The following TES variants were observed in gnomAD, a reference collection of about 807,000 sequenced individuals.
The protein encoded by TES is testin.
TES carries 41 observed loss-of-function variants against 48.2 expected under a neutral mutation model. That is an observed-to-expected ratio of 0.85 (90% CI 0.66 to 1.10). The LOEUF (loss-of-function observed/expected upper bound fraction) is 1.10, where lower values mean the gene tolerates loss of function less well. Among genes scored for constraint, TES ranks in the 50% least tolerant of loss-of-function variants. The pLI, the probability that TES is intolerant of heterozygous loss-of-function variation, is 0.00. For synonymous variants in TES, 162 were observed against 174.9 expected, an observed-to-expected ratio of 0.93 and a Z score of 0.58; for missense variants, 463 against 515.1, an observed-to-expected ratio of 0.90 and a Z score of 0.98.
Position 116,210,677 on chromosome 7 carries a change from GAGGAGGAGGGGACCCAT to G in TES, c.-26_-10del. 7.7e-7 allele frequency: 1 copy of G among 1,303,556 alleles called. No individual in the cohort carries two copies. The highest frequency in any genetic ancestry group is 9.9e-7 in the Non-Finnish European group (1 of 1,014,424). 80.7% of individuals were successfully genotyped at this position (1,303,556 alleles called of 1,614,324 possible). A position where few individuals can be genotyped will look rare whatever the true frequency, so the allele number is the denominator to read the frequency against. On this transcript the variant is annotated 5_prime_UTR_variant, in exon 1 of 7. Transcript: ENST00000358204. ...AACCCGGCCGTGGGATCCCGGATAGGAGGAGGAGGGGACCCATAGGACGCGTTAACATGGACCTGGAA... is the reference window on the plus strand; with the variant it reads ...AACCCGGCCGTGGGATCCCGGATAGGAGGACGCGTTAACATGGACCTGGAA...
chr7:116,218,026 T>A, intron 1 of TES: 1 of 447,138 alleles, frequency 2.2e-6, no homozygotes, highest in Non-Finnish European at 4.5e-6. Flanking sequence ...TTCCTTAGTC[T>A]GTTAGAATGG....
At chr7:116,233,459 G>T (rs1799726567) in intron 1 of TES, among the ~76,000 whole-genome samples, 1 of 152,080 alleles carries the variant, frequency 6.6e-6, no homozygotes, top group South Asian at 2.1e-4. Context: ...ACAACTTCAG[G>T]CAGAAGAGCA....
At chr7:116,256,538 GTTA>G (rs1363553406) in intron 6 of TES, among the ~76,000 whole-genome samples, 1 of 152,076 alleles carries the variant, frequency 6.6e-6, no homozygotes, top group Non-Finnish European at 1.5e-5. Context: ...TATAACATAG[GTTA>G]TTTATTCATT....
intron 1 of TES, among the ~76,000 whole-genome samples, chr7:116,225,067 G>C (rs1305683199): frequency 1.3e-5 from 2 of 151,786 alleles, no homozygotes; most frequent in Non-Finnish European, 2.9e-5. Flanking sequence ...ATGGTTATAT[G>C]TATTTTAGCT....
intron 1 of TES, among the ~76,000 whole-genome samples, chr7:116,215,270 A>G (rs1799481316): frequency 6.6e-6 from 1 of 152,200 alleles, no homozygotes; most frequent in East Asian, 1.9e-4. Context: ...CTCACTAAAT[A>G]TATGTGGAAT....
chr7:116,234,581 C>G lies in TES; in HGVS notation c.75C>G (p.Cys25Trp). Residue 25 changes from cysteine to tryptophan, a missense_variant, in exon 2 of 7, where the codon TGC becomes TGG. Coordinates refer to ENST00000358204, the MANE Select transcript of TES (RefSeq NM_015641.4). ...EQGFGAPCLKCKEKCEGFELH... is the reference protein window; with the variant it reads ...EQGFGAPCLKWKEKCEGFELH... Reference sequence around the variant, plus strand: ...GATTTGGAGCCCCTTGTTTAAAATGCAAAGAAAAATGTGAAGGATTCGAAC... The same window carrying G: ...GATTTGGAGCCCCTTGTTTAAAATGGAAAGAAAAATGTGAAGGATTCGAAC... 1 of 1,613,800 alleles carries G rather than the reference C, an allele frequency of 6.2e-7. No homozygotes were observed. The highest frequency in any genetic ancestry group is 8.5e-7 in the Non-Finnish European group (1 of 1,179,812).
rs182372532 is a variant in TES, at chr7:116,244,443, G to A, written c.114-4577G>A. Among the ~76,000 whole-genome samples the A allele has an allele frequency of 6.6e-5, 10 of 152,348 alleles. No individual in the cohort carries two copies. The East Asian group carries it at 1.5e-3, about 24-fold the overall frequency. Reference sequence around the variant, plus strand: ...AAATCCAATAGGGCAGTCATTAAACGTTAAAATTCCAAAATGTCCTTTGAC... The same window carrying A: ...AAATCCAATAGGGCAGTCATTAAACATTAAAATTCCAAAATGTCCTTTGAC... On this transcript the variant is annotated intron_variant, in intron 2 of 6. Transcript: ENST00000358204.
Position 116,239,677 on chromosome 7 carries a change from G to A in TES, c.113+5058G>A, listed in dbSNP as rs188365761. Among the ~76,000 whole-genome samples, 7 of 152,308 alleles carry A rather than the reference G, an allele frequency of 4.6e-5. 1 individual carries two copies. Among genetic ancestry groups the A allele is most frequent in the Admixed American group, 3.9e-4 (6 of 15,298 alleles). ...TTGTTGTGACACAGACATCCTTGTG[G>A]ACAAAGGTGTACTTTTACTGTGAGC... On this transcript the variant is annotated intron_variant, in intron 2 of 6. Coordinates refer to ENST00000358204, the MANE Select transcript of TES (RefSeq NM_015641.4).
chr7:116,218,420 T>C (rs1799519196), intron 1 of TES, among the ~76,000 whole-genome samples: 1 of 152,172 alleles, frequency 6.6e-6, no homozygotes, highest in Non-Finnish European at 1.5e-5. Context: ...TCATGTTTCA[T>C]TGAAAAATGA....
At chr7:116,214,268 A>G (rs1019512883) in intron 1 of TES, among the ~76,000 whole-genome samples, 4 of 152,212 alleles carry the variant, frequency 2.6e-5, no homozygotes, top group Non-Finnish European at 4.4e-5. Context: ...AAAAAAGCAT[A>G]GTGAAACCAA....
intron 5 of TES, 49 bp from the exon 6 acceptor site, chr7:116,252,269 A>T (rs886647843): frequency 1.2e-5 from 19 of 1,544,640 alleles, no homozygotes; most frequent in Non-Finnish European, 1.7e-5. Context: ...TTACAGATAT[A>T]AATCTCTTAT....
At chr7:116,232,532 A>G (rs1312379034) in intron 1 of TES, among the ~76,000 whole-genome samples, 2 of 149,686 alleles carry the variant, frequency 1.3e-5, no homozygotes, top group African/African-American at 2.5e-5. Flanking sequence ...TGTAATGGAA[A>G]ATTAGAAAGG....
chr7:116,257,536 C>G lies in TES; in HGVS notation c.*54C>G, dbSNP rs1800120131. Reference sequence around the variant, plus strand: ...TAGCTATCCAAAGTGGTCTGCATTTCTACTGTAAAATGCAATTTGAAAAAA... The same window carrying G: ...TAGCTATCCAAAGTGGTCTGCATTTGTACTGTAAAATGCAATTTGAAAAAA... On this transcript the variant is annotated 3_prime_UTR_variant, in exon 7 of 7. Coordinates refer to ENST00000358204, the MANE Select transcript of TES (RefSeq NM_015641.4). The G allele has an allele frequency of 1.5e-6, 2 of 1,295,550 alleles. No individual in the cohort carries two copies. The highest frequency in any genetic ancestry group is 2.0e-6 in the Non-Finnish European group (2 of 992,800). 80.3% of individuals were successfully genotyped at this position (1,295,550 alleles called of 1,614,324 possible). A position where few individuals can be genotyped will look rare whatever the true frequency, so the allele number is the denominator to read the frequency against.
intron 1 of TES, among the ~76,000 whole-genome samples, chr7:116,230,716 C>T (rs978128420): frequency 6.6e-6 from 1 of 152,142 alleles, no homozygotes; most frequent in Non-Finnish European, 1.5e-5. Flanking sequence ...AAAAGGAAAA[C>T]AAAACAAAGT....
intron 2 of TES, among the ~76,000 whole-genome samples, chr7:116,239,491 A>G (rs1799815584): frequency 6.6e-6 from 1 of 152,236 alleles, no homozygotes; most frequent in Non-Finnish European, 1.5e-5. Context: ...GGAAAGTTAA[A>G]TAACTTACTA....
At chr7:116,217,819 T>C (rs752301588) in intron 1 of TES, 3 of 518,306 alleles carry the variant, frequency 5.8e-6, no homozygotes, top group African/African-American at 5.8e-5. Context: ...TTGACTCTCC[T>C]ACAAAAGAGC....
Position 116,210,549 on chromosome 7 carries a change from A to C in TES, c.-159A>C. 1.3e-6 allele frequency: 1 copy of C among 769,896 alleles called. No individual in the cohort carries two copies. The highest frequency in any genetic ancestry group is 1.8e-6 in the Non-Finnish European group (1 of 558,220). The allele number at this position is 769,896 out of a possible 1,614,324, so 47.7% of individuals were successfully genotyped here. A position where few individuals can be genotyped will look rare whatever the true frequency, so the allele number is the denominator to read the frequency against. On this transcript the variant is annotated 5_prime_UTR_variant, in exon 1 of 7. Coordinates refer to ENST00000358204, the MANE Select transcript of TES (RefSeq NM_015641.4). Reference sequence around the variant, plus strand: ...CCGGGCCGCAGGCCCGCTGCGGCGGACTGGGCGGCGGAAGTTCGACGGCGC... The same window carrying C: ...CCGGGCCGCAGGCCCGCTGCGGCGGCCTGGGCGGCGGAAGTTCGACGGCGC...
At chr7:116,235,977 A>G (rs1003521556) in intron 2 of TES, among the ~76,000 whole-genome samples, 1 of 152,112 alleles carries the variant, frequency 6.6e-6, no homozygotes, top group African/African-American at 2.4e-5. Context: ...TTCAGTTTTG[A>G]TACAATTCTT....
chr7:116,238,614 T>TA (rs1481905272), intron 2 of TES, among the ~76,000 whole-genome samples: 1 of 148,826 alleles, frequency 6.7e-6, no homozygotes, highest in African/African-American at 2.5e-5. Context: ...ATTATTATTA[T>TA]TTTTGAGATG....
Sources: allele counts gnomAD v4.1 joint callset (sites outside exome capture counted in the v4.1 genomes callset), GRCh38; gene constraint gnomAD v4.1.1; transcripts MANE v1.5; gene names NCBI Gene and HGNC (gene_info 2026-07-23, HGNC 2026-07-21).